The following MTUS2 variants were observed in gnomAD, a reference collection of about 807,000 sequenced individuals.
The protein encoded by MTUS2 is microtubule-associated tumor suppressor candidate 2.
Under a neutral mutation model 114.1 loss-of-function variants are expected in MTUS2, and 40 were observed. The ratio of observed to expected loss-of-function variants is 0.35; its 90% CI spans 0.27 to 0.46. The LOEUF (loss-of-function observed/expected upper bound fraction) is 0.46. Ranked by LOEUF, MTUS2 falls within the 20% of genes least tolerant of loss-of-function variation. The pLI, the probability that MTUS2 is intolerant of heterozygous loss-of-function variation, is 1.00. For synonymous variants in MTUS2, 688 were observed against 672.0 expected, an observed-to-expected ratio of 1.02 and a Z score of -0.37; for missense variants, 1,679 against 1,705.4, an observed-to-expected ratio of 0.98 and a Z score of 0.27.
chr13:28,909,452 A>G (rs2935204), intron 2 of MTUS2, among the ~76,000 whole-genome samples: 19,384 of 152,116 alleles, frequency 0.13, 1,485 homozygotes, highest in African/African-American at 0.2. Context: ...CTTTGAAGCA[A>G]TTGTGAATGG....
At chr13:29,303,847 A>G (rs752362996) in intron 6 of MTUS2, among the ~76,000 whole-genome samples, 15 of 152,196 alleles carry the variant, frequency 9.9e-5, no homozygotes, top group South Asian at 2.1e-4. Flanking sequence ...CAGATTCTCC[A>G]AGATTAAATG....
At chr13:29,059,228 ATTT>A (rs35369352) in intron 4 of MTUS2, among the ~76,000 whole-genome samples, 5 of 97,140 alleles carry the variant, frequency 5.1e-5, no homozygotes, top group African/African-American at 1.6e-4. Flanking sequence ...TATTCTTTGG[ATTT>A]TTTTTTTTTT....
chr13:29,013,037 G>T (rs766751323), intron 2 of MTUS2, among the ~76,000 whole-genome samples: 13 of 152,168 alleles, frequency 8.5e-5, no homozygotes, highest in Non-Finnish European at 1.8e-4. Flanking sequence ...TAAAAGCACT[G>T]TTGCCTACTC....
chr13:29,286,395 G>A (rs1898480880), intron 6 of MTUS2, among the ~76,000 whole-genome samples: 1 of 152,174 alleles, frequency 6.6e-6, no homozygotes. Flanking sequence ...GCCACACGTA[G>A]CTCTTTGTTG....
Position 29,025,582 on chromosome 13 carries a change from G to A in MTUS2, c.884G>A (p.Ser295Asn), listed in dbSNP as rs1566302472. 2 of 1,613,998 alleles carry A rather than the reference G, an allele frequency of 1.2e-6. No individual in the cohort carries two copies. Among genetic ancestry groups the A allele is most frequent in the Non-Finnish European group, 8.5e-7 (1 of 1,179,894 alleles). ...ACTTTGGCATCGAAGGAAATCCCAA[G>A]TAAACTGGAAGCACAATTAGGTCAG... ...NLTLASKEIP[S>N]KLEAQLGQGK... Residue 295 changes from serine to asparagine, a missense_variant, in exon 3 of 16, where the codon AGT (serine) becomes AAT (asparagine). Transcript: ENST00000612955.
intron 2 of MTUS2, among the ~76,000 whole-genome samples, chr13:28,915,037 C>G (rs1193967668): frequency 6.6e-6 from 1 of 151,898 alleles, no homozygotes; most frequent in Non-Finnish European, 1.5e-5. Context: ...GGGCTCGACT[C>G]TATCCAGCTT....
chr13:29,373,417 A>T (rs577743187), intron 8 of MTUS2, among the ~76,000 whole-genome samples: 1 of 152,308 alleles, frequency 6.6e-6, no homozygotes, highest in East Asian at 1.9e-4. Context: ...TCGAGGACTA[A>T]CAAGGGGGGC....
At chr13:28,866,851 C>A (rs992143056) in intron 2 of MTUS2, among the ~76,000 whole-genome samples, 1 of 151,562 alleles carries the variant, frequency 6.6e-6, no homozygotes, top group African/African-American at 2.4e-5. Context: ...ACATCCTCCT[C>A]GAAATATATA....
intron 8 of MTUS2, among the ~76,000 whole-genome samples, chr13:29,385,583 C>G (rs1296457488): frequency 6.6e-6 from 1 of 152,152 alleles, no homozygotes; most frequent in Non-Finnish European, 1.5e-5. Flanking sequence ...CCCCATATTC[C>G]CCAGTCTGAA....
chr13:29,363,501 C>T (rs891141452), intron 8 of MTUS2, among the ~76,000 whole-genome samples: 1 of 152,124 alleles, frequency 6.6e-6, no homozygotes, highest in Non-Finnish European at 1.5e-5. Flanking sequence ...CCTCCTTCTT[C>T]TCAGAGTGTG....
At chr13:29,247,328 AC>A (rs1335714401) in intron 5 of MTUS2, among the ~76,000 whole-genome samples, 6 of 152,180 alleles carry the variant, frequency 3.9e-5, no homozygotes, top group Non-Finnish European at 8.8e-5. Flanking sequence ...CATTAGAAAA[AC>A]CCTTCTAGAA....
At chr13:28,843,005 A>G (rs1047175352) in intron 2 of MTUS2, among the ~76,000 whole-genome samples, 9 of 152,194 alleles carry the variant, frequency 5.9e-5, no homozygotes, top group African/African-American at 2.2e-4. Flanking sequence ...GCCTGTTGCC[A>G]CTAGGCTTTC....
intron 2 of MTUS2, among the ~76,000 whole-genome samples, chr13:28,886,033 G>A (rs1040398016): frequency 6.6e-6 from 1 of 152,112 alleles, no homozygotes; most frequent in Non-Finnish European, 1.5e-5. Context: ...GGAATAGTGA[G>A]TCTCCAAGCC....
At chr13:29,280,591 A>G (rs1244943994) in intron 5 of MTUS2, among the ~76,000 whole-genome samples, 4 of 152,220 alleles carry the variant, frequency 2.6e-5, no homozygotes, top group African/African-American at 9.6e-5. Context: ...GGCCTTATCT[A>G]AATACAATGT....
chr13:29,040,984 G>T (rs545524451), intron 4 of MTUS2, among the ~76,000 whole-genome samples: 4 of 151,730 alleles, frequency 2.6e-5, no homozygotes, highest in African/African-American at 7.2e-5. Context: ...ATTTATCTCT[G>T]TTTTTTTTCC....
At chr13:29,121,161 T>C (rs1295936200) in intron 5 of MTUS2, among the ~76,000 whole-genome samples, 1 of 152,228 alleles carries the variant, frequency 6.6e-6, no homozygotes, top group Non-Finnish European at 1.5e-5. Context: ...AAATCTCACT[T>C]ATCCCTAAGG....
chr13:29,324,516 T>G (rs1011287624), intron 6 of MTUS2, 97 bp from the exon 7 acceptor site: 14 of 818,464 alleles, frequency 1.7e-5, no homozygotes, highest in Non-Finnish European at 2.6e-5. Context: ...GTTGATATGT[T>G]TGACTTTCTT....
chr13:29,060,396 TC>T (rs1888356226), intron 4 of MTUS2, among the ~76,000 whole-genome samples: 1 of 152,084 alleles, frequency 6.6e-6, no homozygotes, highest in South Asian at 2.1e-4. Context: ...ACTCACTCTT[TC>T]CCAAGTTGCT....
In MTUS2 at chr13:28,862,518, C is replaced by T. The variant is rs147992049; in HGVS notation, c.-243+22668C>T. On this transcript the variant is annotated intron_variant, in intron 2 of 15. Coordinates refer to ENST00000612955, the MANE Select transcript of MTUS2 (RefSeq NM_001033602.4). ...GTCCCAGCTACTTGGGAGACTGAGGCGGGAGAATCACTTGAACCTGGGAGG... is the reference window on the plus strand; with the variant it reads ...GTCCCAGCTACTTGGGAGACTGAGGTGGGAGAATCACTTGAACCTGGGAGG... Among the ~76,000 whole-genome samples the T allele has an allele frequency of 7.0e-3, 1,060 of 152,224 alleles. 13 individuals are homozygous for T. The highest frequency in any genetic ancestry group is 0.035 in the East Asian group (179 of 5,158).
Sources: allele counts gnomAD v4.1 joint callset (sites outside exome capture counted in the v4.1 genomes callset), GRCh38; gene constraint gnomAD v4.1.1; transcripts MANE v1.5; gene names NCBI Gene and HGNC (gene_info 2026-07-23, HGNC 2026-07-21).